The following WARS1 variants were observed in gnomAD, a reference collection of about 807,000 sequenced individuals.
WARS1 encodes the protein tryptophan--tRNA ligase, cytoplasmic.
A neutral mutation model predicts 47.8 loss-of-function variants in WARS1; 17 were observed. That is an observed-to-expected ratio of 0.36 (90% CI 0.24 to 0.53). WARS1 has a LOEUF of 0.53. Among genes scored for constraint, WARS1 ranks in the 20% least tolerant of loss-of-function variants. WARS1 has a pLI of 0.91. For synonymous variants in WARS1, 208 were observed against 228.1 expected (o/e 0.91, Z 0.79); for missense variants, 434 against 608.0 (o/e 0.71, Z 3.01).
intron 6 of WARS1, 143 bp from the exon 7 acceptor site, chr14:100,346,989 A>G (rs2139962038): frequency 1.4e-6 from 1 of 702,552 alleles, no homozygotes; most frequent in South Asian, 1.7e-5. Context: ...AAGCACTGGG[A>G]AGGTGCCAGG....
At chr14:100,368,416 G>C (rs1242206334) in intron 2 of WARS1, 2 of 456,056 alleles carry the variant, frequency 4.4e-6, no homozygotes, top group East Asian at 1.4e-4. Context: ...GCCTGGACGG[G>C]AAGTGGTTGT....
chr14:100,346,283 C>T (rs982461396), intron 7 of WARS1, among the ~76,000 whole-genome samples: 4 of 152,128 alleles, frequency 2.6e-5, no homozygotes, highest in East Asian at 3.9e-4. Flanking sequence ...CAGAAGACCT[C>T]GTGTCAAGCC....
intron 2 of WARS1, chr14:100,366,138 T>C (rs1895977158): frequency 2.2e-6 from 1 of 455,702 alleles, no homozygotes; most frequent in Non-Finnish European, 4.4e-6. Context: ...GTCTGCACAG[T>C]TGGGGCACTG....
chr14:100,338,590 A>G (rs1893909946), intron 9 of WARS1, among the ~76,000 whole-genome samples: 1 of 149,556 alleles, frequency 6.7e-6, no homozygotes, highest in Non-Finnish European at 1.5e-5. Context: ...TTTTGTCACC[A>G]TGCCCGGCTA....
In WARS1 at chr14:100,353,869, C is replaced by T. The variant is rs368669176; in HGVS notation, c.543G>A (p.Lys181=). ...GCACGTTAAATACATCCTGGAGCCA[C>T]CTAAAGAAACACAGGGGGAGAAAGC... ...VGHLIPFIFT[K]WLQDVFNVPL... Residue 181 remains lysine, a splice_region_variant and synonymous_variant, in exon 6 of 11, where the codon AAG becomes AAA. Coordinates refer to ENST00000392882, the MANE Select transcript of WARS1 (RefSeq NM_004184.4). 3.1e-6 allele frequency: 5 copies of T among 1,612,470 alleles called. No individual in the cohort carries two copies. The highest frequency in any genetic ancestry group is 4.2e-6 in the Non-Finnish European group (5 of 1,179,232).
intron 9 of WARS1, 191 bp downstream of exon 9, chr14:100,342,207 C>T (rs560461263): frequency 8.3e-6 from 6 of 724,176 alleles, no homozygotes; most frequent in Admixed American, 2.2e-5. Flanking sequence ...ACAAATTCAC[C>T]TGATTCATGT....
At chr14:100,339,099 T>A (rs1370036417) in intron 9 of WARS1, among the ~76,000 whole-genome samples, 16 of 117,500 alleles carry the variant, frequency 1.4e-4, no homozygotes, top group Admixed American at 1.3e-3. Context: ...AGAGTGAAAC[T>A]CCATCACACA....
chr14:100,345,633 G>A (rs1209486247), intron 7 of WARS1, among the ~76,000 whole-genome samples: 1 of 149,290 alleles, frequency 6.7e-6, no homozygotes, highest in Non-Finnish European at 1.5e-5. Context: ...ATCCCCCTCT[G>A]CGAGAAACAC....
upstream of WARS1, chr14:100,376,283 G>A (rs1896658362): frequency 2.1e-5 from 18 of 875,146 alleles, no homozygotes; most frequent in Non-Finnish European, 2.6e-5. Context: ...GCCAGTCAGC[G>A]CTCCCGGCTC....
At chr14:100,341,377 G>GA (rs1894152755) in intron 9 of WARS1, among the ~76,000 whole-genome samples, 1 of 152,224 alleles carries the variant, frequency 6.6e-6, no homozygotes, top group African/African-American at 2.4e-5. Flanking sequence ...ACTGAGTGGG[G>GA]AGAGTTGGTG....
At chr14:100,370,463 T>C (rs1566869610) in intron 1 of WARS1, 1 of 152,222 alleles carries the variant, frequency 6.6e-6, no homozygotes, top group Non-Finnish European at 1.5e-5. Flanking sequence ...TTATTAAATT[T>C]CTTGTGTTTC....
intron 10 of WARS1, among the ~76,000 whole-genome samples, chr14:100,335,655 G>C (rs574842686): frequency 6.6e-5 from 10 of 152,256 alleles, no homozygotes; most frequent in Non-Finnish European, 1.5e-4. Context: ...AAAGTGCTAG[G>C]ATTACAGGCG....
chr14:100,354,041 T>A (rs1015385210), intron 5 of WARS1, 172 bp from the exon 6 acceptor site: 1 of 629,890 alleles, frequency 1.6e-6, no homozygotes, highest in Non-Finnish European at 2.7e-6. Context: ...TAAGGTCTAC[T>A]ACCATTTATC....
intron 9 of WARS1, among the ~76,000 whole-genome samples, chr14:100,339,488 C>T (rs1322700443): frequency 6.8e-6 from 1 of 147,530 alleles, no homozygotes; most frequent in Non-Finnish European, 1.5e-5. Context: ...TACTCGGGAG[C>T]CTTGAGGCAG....
At position 100,342,304 on chromosome 14, in the gene WARS1, GC is replaced by G. The variant is rs1165348580; in HGVS notation, c.1113+93del. On this transcript the variant is annotated intron_variant, in intron 9 of 10. Coordinates refer to ENST00000392882, the MANE Select transcript of WARS1 (RefSeq NM_004184.4). Reference sequence around the variant, plus strand: ...TTGCTACGGTGGCTGGGTGGCTGAGGCCCAAAGCACTGCGCAGTGGTGTGTG... The same window carrying G: ...TTGCTACGGTGGCTGGGTGGCTGAGGCCAAAGCACTGCGCAGTGGTGTGTG... 3.9e-6 allele frequency: 6 copies of G among 1,554,112 alleles called. No individual in the cohort carries two copies. The African/African-American group carries it at 5.4e-5, about 14-fold the overall frequency.
intron 7 of WARS1, among the ~76,000 whole-genome samples, chr14:100,344,379 T>G (rs1314984390): frequency 6.6e-6 from 1 of 152,184 alleles, no homozygotes; most frequent in Non-Finnish European, 1.5e-5. Context: ...TCTGGTTCAC[T>G]TAGTGCTCAA....
At chr14:100,346,908 C>T in intron 6 of WARS1, 62 bp from the exon 7 acceptor site, 2 of 1,465,662 alleles carry the variant, frequency 1.4e-6, no homozygotes, top group Non-Finnish European at 1.9e-6. Context: ...GGCAAAGTCA[C>T]AGTTATTAAA....
At chr14:100,360,981 A>T (rs988459060) in intron 3 of WARS1, among the ~76,000 whole-genome samples, 7 of 151,946 alleles carry the variant, frequency 4.6e-5, no homozygotes, top group African/African-American at 1.7e-4. Flanking sequence ...ATATAAACAT[A>T]TACATATATA....
In WARS1 at chr14:100,362,036, A is replaced by G. The variant is rs61990728; in HGVS notation, c.100-115T>C. The G allele has an allele frequency of 2.2e-3, 2,311 of 1,073,888 alleles. 11 individuals are homozygous for G. Among genetic ancestry groups the G allele is most frequent in the Non-Finnish European group, 2.5e-3 (1,813 of 731,066 alleles). 66.5% of individuals were successfully genotyped at this position (1,073,888 alleles called of 1,614,324 possible). On this transcript the variant is annotated intron_variant, in intron 2 of 10. Coordinates refer to ENST00000392882, the MANE Select transcript of WARS1 (RefSeq NM_004184.4). ...TGCTTTTACACGTGTTACCTTAGTT[A>G]GTGTCACAACCCTACAAGGCAGGTA...
Sources: gnomAD v4.1 joint callset for allele counts (sites outside exome capture counted in the v4.1 genomes callset) on GRCh38, gnomAD v4.1.1 for gene constraint, MANE v1.5 for transcripts, NCBI Gene and HGNC (gene_info 2026-07-23, HGNC 2026-07-21) for gene names.